The following RASGRF1 variants were observed in gnomAD, a reference collection of about 807,000 sequenced individuals.
The protein encoded by RASGRF1 is ras-specific guanine nucleotide-releasing factor 1.
RASGRF1 carries 40 observed loss-of-function variants against 138.7 expected under a neutral mutation model. The observed-to-expected ratio is 0.29, with a 90% confidence interval of 0.22 to 0.38. RASGRF1 has a LOEUF of 0.38. Among genes scored for constraint, RASGRF1 ranks in the 10% least tolerant of loss-of-function variants. RASGRF1 has a pLI of 1.00. For synonymous variants in RASGRF1, 614 were observed against 663.2 expected (o/e 0.93, Z 1.14); for missense variants, 1,108 against 1,650.4 (o/e 0.67, Z 5.69).
chr15:78,998,043 G>A (rs2141683413), intron 19 of RASGRF1, 53 bp downstream of exon 19: 1 of 1,498,120 alleles, frequency 6.7e-7, no homozygotes, highest in Non-Finnish European at 9.3e-7. Flanking sequence ...GCAGAAGGCA[G>A]GGCTCCTGTC....
chr15:78,982,624 C>A (rs1022377602), intron 23 of RASGRF1, among the ~76,000 whole-genome samples: 2 of 152,006 alleles, frequency 1.3e-5, no homozygotes, highest in African/African-American at 2.4e-5. Flanking sequence ...AAAGCAGGAA[C>A]CAAGCAAGGA....
intron 10 of RASGRF1, among the ~76,000 whole-genome samples, chr15:79,024,306 TACAC>T (rs1215601777): frequency 6.7e-6 from 1 of 149,866 alleles, no homozygotes; most frequent in Non-Finnish European, 1.5e-5. Context: ...CCATATACCA[TACAC>T]ACACACACAA....
chr15:78,978,215 C>CTT (rs2055915117), intron 24 of RASGRF1, among the ~76,000 whole-genome samples: 67 of 79,330 alleles, frequency 8.4e-4, no homozygotes, highest in African/African-American at 3.3e-3. Context: ...TTTTTCTTTT[C>CTT]TTTTGTTTTT....
At chr15:79,051,515 C>T (rs559112503) in intron 3 of RASGRF1, among the ~76,000 whole-genome samples, 7 of 152,326 alleles carry the variant, frequency 4.6e-5, no homozygotes, top group African/African-American at 7.2e-5. Flanking sequence ...CTTTTACCTT[C>T]GGCTTCTTCT....
intron 3 of RASGRF1, among the ~76,000 whole-genome samples, chr15:79,053,006 C>T (rs528503552): frequency 1.2e-4 from 19 of 152,306 alleles, no homozygotes; most frequent in African/African-American, 4.3e-4. Context: ...ATGGCTCACA[C>T]TTGTAATCCC....
intron 2 of RASGRF1, among the ~76,000 whole-genome samples, chr15:79,062,668 G>A (rs554283242): frequency 4.6e-5 from 7 of 152,154 alleles, no homozygotes; most frequent in African/African-American, 1.7e-4. Context: ...CTGAGTAGCT[G>A]GGACTACAGG....
rs2055804686 is a variant in RASGRF1 at position 78,973,212 on chromosome 15, G to A, written c.3612+91C>T. On this transcript the variant is annotated intron_variant, in intron 25 of 26. Coordinates refer to ENST00000558480, the MANE Select transcript of RASGRF1 (RefSeq NM_001145648.3). This position sits in a 1 kb window ranked among gnomAD's most constrained non-coding sequence, Gnocchi z 4.9. ...ATGGGGGCACCCTATGCAGCAGGTTGGGCCTTGGGGGGCAGAGTGTGGGTG... is the reference window on the plus strand; with the variant it reads ...ATGGGGGCACCCTATGCAGCAGGTTAGGCCTTGGGGGGCAGAGTGTGGGTG... 5.8e-6 allele frequency: 6 copies of A among 1,037,478 alleles called. No individual in the cohort carries two copies. The East Asian group carries it at 9.9e-5, about 17-fold the overall frequency. The allele number at this position is 1,037,478 out of a possible 1,614,324, so 64.3% of individuals were successfully genotyped here. A position where few individuals can be genotyped will look rare whatever the true frequency, so the allele number is the denominator to read the frequency against.
intron 10 of RASGRF1, among the ~76,000 whole-genome samples, chr15:79,024,037 ACAAACAC>A (rs2057007313): frequency 6.9e-6 from 1 of 145,816 alleles, no homozygotes; most frequent in East Asian, 2.0e-4. Flanking sequence ...ACACACACAT[ACAAACAC>A]ACACACACAC....
intron 9 of RASGRF1, 87 bp from the exon 10 acceptor site, chr15:79,025,561 A>G: frequency 6.8e-7 from 1 of 1,460,974 alleles, no homozygotes; most frequent in African/African-American, 1.4e-5. Flanking sequence ...ATGCTGGGGC[A>G]GCAGCAGTGG....
intron 23 of RASGRF1, among the ~76,000 whole-genome samples, chr15:78,982,567 G>A (rs1014156606): frequency 1.3e-5 from 2 of 152,176 alleles, no homozygotes; most frequent in Non-Finnish European, 2.9e-5. Context: ...CTGTTAGAGT[G>A]TGGACACCAG....
At chr15:79,023,416 CAT>C (rs1396339749) in intron 10 of RASGRF1, among the ~76,000 whole-genome samples, 2 of 152,180 alleles carry the variant, frequency 1.3e-5, no homozygotes, top group East Asian at 1.9e-4. Flanking sequence ...TCCAGGGTCA[CAT>C]GTGTGTGAGG....
At chr15:79,017,716 C>T (rs1240806339) in intron 12 of RASGRF1, 54 bp downstream of exon 12, 56 of 1,535,174 alleles carry the variant, frequency 3.6e-5, no homozygotes, top group Non-Finnish European at 4.0e-5. Context: ...AAATCCCTGA[C>T]CTGGTTAGGC....
At chr15:79,082,093 G>A (rs1282978599) in intron 1 of RASGRF1, among the ~76,000 whole-genome samples, 1 of 152,136 alleles carries the variant, frequency 6.6e-6, no homozygotes, top group Non-Finnish European at 1.5e-5. Flanking sequence ...GTGTGTGCCC[G>A]ATGATCAGAT....
chr15:78,963,591 C>T (rs757097576), intron 26 of RASGRF1, among the ~76,000 whole-genome samples: 6 of 152,240 alleles, frequency 3.9e-5, no homozygotes, highest in Non-Finnish European at 5.9e-5. Flanking sequence ...TGCGAGCCAC[C>T]GTGCCTGGCC....
chr15:79,029,550 G>A (rs1209066155), intron 8 of RASGRF1, among the ~76,000 whole-genome samples: 2 of 152,056 alleles, frequency 1.3e-5, no homozygotes, highest in Admixed American at 6.5e-5. Context: ...TTTCAAGGTC[G>A]CGAGGCTCCT....
intron 1 of RASGRF1, among the ~76,000 whole-genome samples, chr15:79,080,755 C>A (rs1323690238): frequency 6.6e-6 from 1 of 151,990 alleles, no homozygotes; most frequent in African/African-American, 2.4e-5. Flanking sequence ...TTGCATTAGC[C>A]CTGATGGATT....
At chr15:79,080,864 C>T (rs2057905455) in intron 1 of RASGRF1, among the ~76,000 whole-genome samples, 1 of 152,220 alleles carries the variant, frequency 6.6e-6, no homozygotes, top group African/African-American at 2.4e-5. Flanking sequence ...GATTCTGATT[C>T]TGACATTTAG....
intron 20 of RASGRF1, among the ~76,000 whole-genome samples, chr15:78,993,847 C>T (rs1184815214): frequency 6.6e-6 from 1 of 152,148 alleles, no homozygotes; most frequent in African/African-American, 2.4e-5. Flanking sequence ...GCTCCTTCCG[C>T]TCACTTCTGG....
At chr15:79,081,016 T>C (rs886972642) in intron 1 of RASGRF1, among the ~76,000 whole-genome samples, 1 of 152,236 alleles carries the variant, frequency 6.6e-6, no homozygotes, top group Admixed American at 6.5e-5. Context: ...AGGGTCACTG[T>C]GGTGGTTAAA....
Sources: allele counts gnomAD v4.1 joint callset (sites outside exome capture counted in the v4.1 genomes callset), GRCh38; gene constraint gnomAD v4.1.1; non-coding constraint Gnocchi (gnomAD v3.1); transcripts MANE v1.5; gene names NCBI Gene and HGNC (gene_info 2026-07-23, HGNC 2026-07-21).